GALNT13: variants seen among roughly 807,000 people sequenced by gnomAD.
GALNT13 encodes the protein polypeptide N-acetylgalactosaminyltransferase 13.
Under a neutral mutation model 64.2 loss-of-function variants are expected in GALNT13, and 28 were observed. The observed-to-expected ratio is 0.44, with a 90% confidence interval of 0.32 to 0.60. The LOEUF (loss-of-function observed/expected upper bound fraction) is 0.60. GALNT13 is among the 20% of genes least tolerant of loss of function. GALNT13 has a pLI of 0.05. For synonymous variants in GALNT13, 214 were observed against 224.6 expected, an observed-to-expected ratio of 0.95 and a Z score of 0.42; for missense variants, 577 against 669.8, an observed-to-expected ratio of 0.86 and a Z score of 1.53.
chr2:154,065,485 C>T (rs868858936), intron 3 of GALNT13, among the ~76,000 whole-genome samples: 1 of 152,146 alleles, frequency 6.6e-6, no homozygotes, highest in Admixed American at 6.6e-5. Flanking sequence ...GTACCTGCCA[C>T]CCCTCACCCA....
chr2:154,111,415 A>T (rs1702980141), intron 3 of GALNT13, among the ~76,000 whole-genome samples: 1 of 152,184 alleles, frequency 6.6e-6, no homozygotes, highest in African/African-American at 2.4e-5. Context: ...TTTCATCTTG[A>T]TAGTCCGGGT....
rs563070954 is a variant in GALNT13, at chr2:154,439,907, A to G, written c.1530+1181A>G. Among the ~76,000 whole-genome samples, 7 of 152,272 alleles carry G rather than the reference A, an allele frequency of 4.6e-5. No individual in the cohort carries two copies. In the South Asian group the frequency reaches 1.2e-3, roughly 27 times the overall value. The stretch of plus-strand genomic sequence containing the variant: ...GTTGTACCAGTGTGATTAAGATGCT[A>G]CTGCCTTCGCTATATCTTACTCACC... On this transcript the variant is annotated intron_variant, in intron 12 of 12. Coordinates refer to ENST00000392825, the MANE Select transcript of GALNT13 (RefSeq NM_052917.4).
Position 154,195,635 on chromosome 2 carries a change from G to A in GALNT13, c.312-46395G>A, listed in dbSNP as rs142494392. ...CTTTTTAATTTTTGGTCCATCCTTTGTTTAGTGCAAGGCCTTCCACACATA... is the reference window on the plus strand; with the variant it reads ...CTTTTTAATTTTTGGTCCATCCTTTATTTAGTGCAAGGCCTTCCACACATA... On this transcript the variant is annotated intron_variant, in intron 4 of 12. Coordinates refer to ENST00000392825, the MANE Select transcript of GALNT13 (RefSeq NM_052917.4). Among the ~76,000 whole-genome samples the A allele has an allele frequency of 8.8e-4, 134 of 151,896 alleles. 3 individuals carry two copies. In the East Asian group the frequency reaches 0.02, roughly 22 times the overall value.
At chr2:154,308,641 T>C (rs1197947387) in intron 9 of GALNT13, among the ~76,000 whole-genome samples, 1 of 152,120 alleles carries the variant, frequency 6.6e-6, no homozygotes, top group East Asian at 1.9e-4. Flanking sequence ...CTTCTGAAAA[T>C]AAAGTACATT....
At chr2:153,604,739 C>T in the GALNT13 span, among the ~76,000 whole-genome samples, 23 of 152,092 alleles carry the variant, frequency 1.5e-4, no homozygotes, top group East Asian at 2.5e-3. Flanking sequence ...TTAGTCTCTA[C>T]GTATATCTAT....
At chr2:153,520,423 T>C in the GALNT13 span, among the ~76,000 whole-genome samples, 2 of 152,166 alleles carry the variant, frequency 1.3e-5, no homozygotes, top group South Asian at 4.1e-4. Flanking sequence ...TCAAGCTTAG[T>C]TTGGGCTTTC....
At chr2:153,183,386 G>T in the GALNT13 span, among the ~76,000 whole-genome samples, 1 of 152,040 alleles carries the variant, frequency 6.6e-6, no homozygotes, top group Non-Finnish European at 1.5e-5. Flanking sequence ...TTTGTCAGAT[G>T]GATAGATTGC....
the GALNT13 span, among the ~76,000 whole-genome samples, chr2:153,298,638 A>G: frequency 3.3e-5 from 5 of 152,206 alleles, no homozygotes; most frequent in Non-Finnish European, 7.3e-5. Flanking sequence ...AAAGAATCCA[A>G]TAGAAAATTC....
chr2:153,858,994 A>G, the GALNT13 span, among the ~76,000 whole-genome samples: 1 of 152,142 alleles, frequency 6.6e-6, no homozygotes, highest in African/African-American at 2.4e-5. Flanking sequence ...TTGGCCTCCT[A>G]AAGTGCTGGG....
the GALNT13 span, among the ~76,000 whole-genome samples, chr2:153,479,674 A>C: frequency 6.6e-6 from 1 of 152,204 alleles, no homozygotes; most frequent in Non-Finnish European, 1.5e-5. Flanking sequence ...ATTGCTCATC[A>C]ACATCCATCA....
At chr2:153,196,442 T>A in the GALNT13 span, among the ~76,000 whole-genome samples, 101,373 of 151,956 alleles carry the variant, frequency 0.67, 33,938 homozygotes, top group East Asian at 0.82. Context: ...CTTGGCCCCA[T>A]TCCTACTTCA....
the GALNT13 span, among the ~76,000 whole-genome samples, chr2:153,104,452 C>T: frequency 6.6e-6 from 1 of 152,146 alleles, no homozygotes; most frequent in Admixed American, 6.6e-5. Context: ...TAGCCCTAGG[C>T]ATACATACCC....
intron 9 of GALNT13, among the ~76,000 whole-genome samples, chr2:154,314,480 G>A (rs1694223616): frequency 6.6e-6 from 1 of 152,122 alleles, no homozygotes; most frequent in African/African-American, 2.4e-5. Flanking sequence ...AATACCTGAT[G>A]ATGAGTAATT....
intron 7 of GALNT13, among the ~76,000 whole-genome samples, chr2:154,249,767 TAAATC>T (rs748624498): frequency 1.3e-5 from 2 of 152,130 alleles, no homozygotes; most frequent in Non-Finnish European, 2.9e-5. Context: ...GATATAGTAA[TAAATC>T]AAACATAAAT....
the GALNT13 span, among the ~76,000 whole-genome samples, chr2:153,510,149 C>T: frequency 6.6e-6 from 1 of 152,186 alleles, no homozygotes; most frequent in East Asian, 1.9e-4. Flanking sequence ...GCAAATCTCA[C>T]AATGATTTAT....
chr2:153,658,841 A>G, the GALNT13 span, among the ~76,000 whole-genome samples: 3 of 151,970 alleles, frequency 2.0e-5, no homozygotes, highest in East Asian at 1.9e-4. Flanking sequence ...AATTTATTCA[A>G]TGTTCAATAT....
At chr2:153,668,986 C>T in the GALNT13 span, among the ~76,000 whole-genome samples, 7 of 152,140 alleles carry the variant, frequency 4.6e-5, no homozygotes, top group African/African-American at 1.7e-4. Flanking sequence ...GTGAGATGGG[C>T]CCTGTCTGAA....
At chr2:154,427,091 ATTAC>A (rs1700504816) in intron 11 of GALNT13, among the ~76,000 whole-genome samples, 1 of 152,224 alleles carries the variant, frequency 6.6e-6, no homozygotes, top group Non-Finnish European at 1.5e-5. Context: ...ATATTTAGAT[ATTAC>A]TTGAGGCAAA....
At chr2:153,815,768 G>C in the GALNT13 span, among the ~76,000 whole-genome samples, 11 of 152,206 alleles carry the variant, frequency 7.2e-5, no homozygotes, top group Admixed American at 1.3e-4. Context: ...CTTGAGGAAA[G>C]TTTCTCTTAC....
Sources: allele counts gnomAD v4.1 joint callset (sites outside exome capture counted in the v4.1 genomes callset), GRCh38; gene constraint gnomAD v4.1.1; transcripts MANE v1.5; gene names NCBI Gene and HGNC (gene_info 2026-07-23, HGNC 2026-07-21).